The following UNC13C variants were observed in gnomAD, a reference collection of about 807,000 sequenced individuals.
UNC13C encodes unc-13 homolog C.
UNC13C carries 174 observed loss-of-function variants against 245.4 expected under a neutral mutation model. The observed-to-expected ratio is 0.71, with a 90% CI of 0.63 to 0.80. UNC13C has a LOEUF of 0.80. UNC13C is among the 30% of genes least tolerant of loss of function. The pLI is 0.00. For missense variants in UNC13C, 2,829 were observed against 2,602.9 expected (o/e 1.09, Z -1.89); for synonymous variants, 992 against 895.1 (o/e 1.11, Z -1.93).
chr15:54,000,724 T>G (rs1894846702), intron 1 of UNC13C, among the ~76,000 whole-genome samples: 1 of 152,074 alleles, frequency 6.6e-6, no homozygotes, highest in Admixed American at 6.6e-5. Flanking sequence ...GCAAAATGAG[T>G]TAGCAACACC....
At chr15:54,633,215 T>G (rs558265332), downstream of UNC13C, 1 of 152,226 alleles carries the variant, frequency 6.6e-6, no homozygotes, top group South Asian at 2.1e-4. Flanking sequence ...ACTTATTAAA[T>G]CCATACACCA....
chr15:54,357,980 G>T (rs2039135607), intron 17 of UNC13C, among the ~76,000 whole-genome samples: 1 of 151,998 alleles, frequency 6.6e-6, no homozygotes, highest in Admixed American at 6.6e-5. Flanking sequence ...AGTGCACAAA[G>T]ATATCTATTA....
chr15:54,342,557 T>A (rs1375868425), intron 17 of UNC13C, among the ~76,000 whole-genome samples: 1 of 141,352 alleles, frequency 7.1e-6, no homozygotes, highest in Non-Finnish European at 1.6e-5. Flanking sequence ...CAAGACCCTA[T>A]CTCTATTTAA....
chr15:54,268,191 TTG>T (rs960572039), intron 10 of UNC13C, among the ~76,000 whole-genome samples: 1 of 152,032 alleles, frequency 6.6e-6, no homozygotes. Flanking sequence ...ATTGCTTCCA[TTG>T]TGTGTGTTTA....
chr15:54,360,705 C>CTCCTGTATG (rs1186247840), intron 17 of UNC13C, among the ~76,000 whole-genome samples: 2 of 152,074 alleles, frequency 1.3e-5, no homozygotes, highest in African/African-American at 4.8e-5. Flanking sequence ...AAAGTTCTCT[C>CTCCTGTATG]TCCTGTATGT....
At chr15:54,468,089 A>T (rs1892276404) in intron 19 of UNC13C, among the ~76,000 whole-genome samples, 1 of 151,714 alleles carries the variant, frequency 6.6e-6, no homozygotes, top group South Asian at 2.1e-4. Flanking sequence ...AACAGCATGT[A>T]TGGGTCCACT....
chr15:54,163,019 TA>T (rs2033034872), intron 4 of UNC13C, among the ~76,000 whole-genome samples: 1 of 152,212 alleles, frequency 6.6e-6, no homozygotes, highest in Admixed American at 6.5e-5. Flanking sequence ...CTCCTTGTGG[TA>T]GACAGCATAA....
At chr15:54,032,501 A>T (rs891550350) in intron 2 of UNC13C, among the ~76,000 whole-genome samples, 2 of 152,182 alleles carry the variant, frequency 1.3e-5, no homozygotes, top group Admixed American at 6.5e-5. Flanking sequence ...TAATCTATTT[A>T]GCACAAGGTA....
intron 16 of UNC13C, among the ~76,000 whole-genome samples, chr15:54,334,853 T>A (rs964602919): frequency 1.3e-5 from 2 of 152,156 alleles, no homozygotes; most frequent in Non-Finnish European, 2.9e-5. Context: ...GGAGTGAGGG[T>A]AGGGTGTGCC....
the UNC13C span, among the ~76,000 whole-genome samples, chr15:53,854,638 T>C: frequency 2.3e-4 from 35 of 152,186 alleles, no homozygotes; most frequent in African/African-American, 8.0e-4. Context: ...TTCTCTATTC[T>C]GTTCCATTGG....
chr15:53,944,006 T>G, the UNC13C span, among the ~76,000 whole-genome samples: 1 of 152,154 alleles, frequency 6.6e-6, no homozygotes, highest in Non-Finnish European at 1.5e-5. Context: ...GTGCATATAT[T>G]GTTATATTTG....
chr15:54,337,126 C>G (rs868120626), intron 16 of UNC13C, among the ~76,000 whole-genome samples: 2 of 152,174 alleles, frequency 1.3e-5, no homozygotes, highest in Non-Finnish European at 2.9e-5. Flanking sequence ...TTTTATTTCT[C>G]TCCTATACCA....
At chr15:54,502,547 G>A (rs1164325798) in intron 22 of UNC13C, among the ~76,000 whole-genome samples, 1 of 152,086 alleles carries the variant, frequency 6.6e-6, no homozygotes, top group Non-Finnish European at 1.5e-5. Flanking sequence ...AATCTGTAGA[G>A]CATAATTCTA....
At chr15:54,544,059 A>G (rs1896368761) in intron 26 of UNC13C, among the ~76,000 whole-genome samples, 1 of 152,204 alleles carries the variant, frequency 6.6e-6, no homozygotes, top group African/African-American at 2.4e-5. Flanking sequence ...AAATACTGGA[A>G]AACCAAATCC....
chr15:54,344,948 C>CATAAAATTTTTTAA (rs769876110), intron 17 of UNC13C, among the ~76,000 whole-genome samples: 10 of 152,016 alleles, frequency 6.6e-5, no homozygotes, highest in Non-Finnish European at 1.5e-4. Context: ...ACAGAGCAGC[C>CATAAAATTTTTTAA]AGAATTATTT....
chr15:54,429,290 T>C (rs1433866497), intron 19 of UNC13C, among the ~76,000 whole-genome samples: 1 of 151,822 alleles, frequency 6.6e-6, no homozygotes, highest in African/African-American at 2.4e-5. Context: ...CGAATGTTTT[T>C]AATTATTGTG....
At chr15:53,841,501 G>A in the UNC13C span, among the ~76,000 whole-genome samples, 50 of 151,844 alleles carry the variant, frequency 3.3e-4, no homozygotes, top group Admixed American at 1.6e-3. Context: ...CAAATCTGCC[G>A]GCAACTAATA....
chr15:54,350,100 T>C (rs1189368629), intron 17 of UNC13C, among the ~76,000 whole-genome samples: 2 of 152,084 alleles, frequency 1.3e-5, no homozygotes, highest in Admixed American at 1.3e-4. Flanking sequence ...CACGCCAGTC[T>C]CCTGTCTCAG....
chr15:54,258,034 G>A (rs2036323714), intron 8 of UNC13C, among the ~76,000 whole-genome samples: 2 of 152,082 alleles, frequency 1.3e-5, no homozygotes, highest in African/African-American at 4.8e-5. Flanking sequence ...ATGTCAGAGA[G>A]GCTCCTGGAG....
Sources: allele counts gnomAD v4.1 joint callset (sites outside exome capture counted in the v4.1 genomes callset), GRCh38; gene constraint gnomAD v4.1.1; transcripts MANE v1.5; gene names NCBI Gene and HGNC (gene_info 2026-07-23, HGNC 2026-07-21).